The following SGCZ variants were observed in gnomAD, a reference collection of about 807,000 sequenced individuals.
SGCZ encodes zeta-sarcoglycan.
SGCZ carries 40 observed loss-of-function variants against 41.3 expected under a neutral mutation model. The ratio of observed to expected loss-of-function variants is 0.97; its 90% CI spans 0.75 to 1.26. The LOEUF is 1.26. SGCZ is among the 50% of genes most tolerant of loss of function. The pLI, the probability that SGCZ is intolerant of heterozygous loss-of-function variation, is 0.00. For missense variants in SGCZ, 552 were observed against 369.8 expected (o/e 1.49, Z -4.04); for synonymous variants, 206 against 137.5 (o/e 1.50, Z -3.49).
intron 2 of SGCZ, among the ~76,000 whole-genome samples, chr8:14,367,311 G>C (rs1208886526): frequency 6.6e-6 from 1 of 152,044 alleles, no homozygotes; most frequent in Non-Finnish European, 1.5e-5. Context: ...CATTTGACAT[G>C]TCTCTAGGAA....
intron 2 of SGCZ, among the ~76,000 whole-genome samples, chr8:14,501,532 C>G (rs1325040273): frequency 6.6e-6 from 1 of 151,246 alleles, no homozygotes; most frequent in Non-Finnish European, 1.5e-5. Flanking sequence ...ATTAATCATA[C>G]AAGAGATCTA....
chr8:15,046,225 C>T (rs12156052), intron 1 of SGCZ, among the ~76,000 whole-genome samples: 144,394 of 152,094 alleles, frequency 0.95, 68,625 homozygotes, highest in East Asian at 1. Context: ...GCCTAATACT[C>T]TTCACATATA....
chr8:15,085,454 TC>T (rs1274896246), intron 1 of SGCZ, among the ~76,000 whole-genome samples: 1 of 152,140 alleles, frequency 6.6e-6, no homozygotes, highest in Admixed American at 6.6e-5. Context: ...AAGCCTTCTT[TC>T]CAGGTTCCAA....
chr8:14,286,027 C>T (rs917189891), intron 3 of SGCZ, among the ~76,000 whole-genome samples: 1 of 151,620 alleles, frequency 6.6e-6, no homozygotes, highest in African/African-American at 2.4e-5. Flanking sequence ...CTAATAGGAA[C>T]TATTTATTTA....
intron 1 of SGCZ, among the ~76,000 whole-genome samples, chr8:14,588,967 T>A (rs1480759016): frequency 6.6e-6 from 1 of 152,152 alleles, no homozygotes; most frequent in African/African-American, 2.4e-5. Flanking sequence ...TTTGCTATGG[T>A]GTATGATGAG....
intron 1 of SGCZ, among the ~76,000 whole-genome samples, chr8:14,777,567 T>A (rs1205192263): frequency 6.6e-6 from 1 of 152,242 alleles, no homozygotes; most frequent in Non-Finnish European, 1.5e-5. Flanking sequence ...TTTAATCTCA[T>A]ATGTTTTGAA....
At chr8:14,421,156 G>T (rs149846243) in intron 2 of SGCZ, among the ~76,000 whole-genome samples, 1 of 152,006 alleles carries the variant, frequency 6.6e-6, no homozygotes, top group African/African-American at 2.4e-5. Context: ...GAATGCCTTC[G>T]TATGACCAGT....
chr8:15,155,921 A>G (rs1034999826), intron 1 of SGCZ, among the ~76,000 whole-genome samples: 4 of 151,922 alleles, frequency 2.6e-5, no homozygotes, highest in African/African-American at 9.7e-5. Context: ...AGTCAGGTGT[A>G]GTGGCGCACA....
intron 1 of SGCZ, among the ~76,000 whole-genome samples, chr8:14,779,591 T>G (rs1418693711): frequency 1.3e-5 from 2 of 152,306 alleles, no homozygotes; most frequent in African/African-American, 4.8e-5. Flanking sequence ...GAAATAGATA[T>G]TCAATGAAAA....
At chr8:14,825,818 C>G (rs1460548645) in intron 1 of SGCZ, among the ~76,000 whole-genome samples, 1 of 152,138 alleles carries the variant, frequency 6.6e-6, no homozygotes, top group Non-Finnish European at 1.5e-5. Context: ...CTTTCTGTGT[C>G]TGGCTTATTT....
At chr8:14,969,016 T>C (rs906581084) in intron 1 of SGCZ, among the ~76,000 whole-genome samples, 3 of 152,164 alleles carry the variant, frequency 2.0e-5, no homozygotes, top group Non-Finnish European at 4.4e-5. Context: ...ATTTACATCA[T>C]TGTGCTACTA....
chr8:14,397,376 T>A (rs116583789), intron 2 of SGCZ, among the ~76,000 whole-genome samples: 2 of 152,098 alleles, frequency 1.3e-5, no homozygotes, highest in Admixed American at 1.3e-4. Context: ...TAATGCTTCT[T>A]ATAGGTATTC....
At chr8:14,203,886 T>G (rs992115410) in intron 4 of SGCZ, among the ~76,000 whole-genome samples, 3 of 151,774 alleles carry the variant, frequency 2.0e-5, no homozygotes, top group African/African-American at 7.3e-5. Context: ...AGGAAAGGAA[T>G]TGGGGGAAAG....
intron 1 of SGCZ, among the ~76,000 whole-genome samples, chr8:14,743,507 G>A (rs1241882222): frequency 6.6e-6 from 1 of 151,918 alleles, no homozygotes; most frequent in Non-Finnish European, 1.5e-5. Context: ...AAAATATGAA[G>A]TAAATTTTTG....
chr8:14,772,819 G>C (rs1038678632), intron 1 of SGCZ, among the ~76,000 whole-genome samples: 7 of 151,922 alleles, frequency 4.6e-5, no homozygotes, highest in Non-Finnish European at 8.8e-5. Flanking sequence ...CCTTAATCCA[G>C]TCTATCATTG....
At position 15,009,583 on chromosome 8, in the gene SGCZ, T is replaced by A. The variant is rs1326487715; in HGVS notation, c.39+228002A>T. 2.6e-5 allele frequency among the ~76,000 whole-genome samples: 4 copies of A among 152,188 alleles called. No individual in the cohort carries two copies. In the East Asian group the frequency reaches 7.7e-4, roughly 29 times the overall value. ...GATGCAATGTCATATAACAAGTGAG[T>A]GAAAATCATGGAAAAAAACTCCAGT... On this transcript the variant is annotated intron_variant, in intron 1 of 7. Coordinates refer to ENST00000382080, the MANE Select transcript of SGCZ (RefSeq NM_139167.4).
intron 1 of SGCZ, among the ~76,000 whole-genome samples, chr8:14,712,677 G>A (rs1809560122): frequency 2.0e-5 from 3 of 152,236 alleles, no homozygotes; most frequent in African/African-American, 7.2e-5. Context: ...CTTTGAGACA[G>A]TGCACGGCCA....
At chr8:14,644,652 T>C (rs551021762) in intron 1 of SGCZ, among the ~76,000 whole-genome samples, 22 of 151,900 alleles carry the variant, frequency 1.4e-4, no homozygotes, top group African/African-American at 5.3e-4. Context: ...TGTGTTCTTT[T>C]TCTGTCATGC....
intron 1 of SGCZ, among the ~76,000 whole-genome samples, chr8:14,992,362 A>G (rs912120223): frequency 6.7e-6 from 1 of 149,838 alleles, no homozygotes; most frequent in Non-Finnish European, 1.5e-5. Context: ...ATCTACTCCC[A>G]AAACCAATGT....
Sources: allele counts gnomAD v4.1 joint callset (sites outside exome capture counted in the v4.1 genomes callset), GRCh38; gene constraint gnomAD v4.1.1; transcripts MANE v1.5; gene names NCBI Gene and HGNC (gene_info 2026-07-23, HGNC 2026-07-21).